The following MACROD2 variants were observed in gnomAD, a reference collection of about 807,000 sequenced individuals.
MACROD2 encodes the protein mono-ADP ribosylhydrolase 2, also known as ADP-ribose glycohydrolase MACROD2.
In MACROD2, 36 loss-of-function variants were observed where a neutral mutation model predicts 70.4. That is an observed-to-expected ratio of 0.51 (90% CI 0.39 to 0.68). MACROD2 has a LOEUF of 0.68. Among genes scored for constraint, MACROD2 ranks in the 30% least tolerant of loss-of-function variants. The pLI is 0.00. For missense variants in MACROD2, 496 were observed against 538.4 expected (o/e 0.92, Z 0.78); for synonymous variants, 172 against 178.8 (o/e 0.96, Z 0.30).
At chr20:16,035,419 A>G (rs1229063262) in intron 15 of MACROD2, among the ~76,000 whole-genome samples, 1 of 151,624 alleles carries the variant, frequency 6.6e-6, no homozygotes, top group Non-Finnish European at 1.5e-5. Context: ...TTAGCCTGTT[A>G]AGGGACTTCT....
intron 5 of MACROD2, among the ~76,000 whole-genome samples, chr20:14,820,768 T>A (rs367650717): frequency 6.6e-6 from 1 of 152,168 alleles, no homozygotes. Flanking sequence ...AGTGAATTGA[T>A]TCATAGGGAT....
chr20:15,048,796 C>T (rs1229314630), intron 5 of MACROD2, among the ~76,000 whole-genome samples: 1 of 152,196 alleles, frequency 6.6e-6, no homozygotes, highest in Middle Eastern at 3.4e-3. Flanking sequence ...CCTCAACATA[C>T]CCCCATCCAC....
chr20:14,336,750 A>G lies in MACROD2; in HGVS notation c.272-156729A>G, dbSNP rs143316295. On this transcript the variant is annotated intron_variant, in intron 3 of 17. Coordinates refer to ENST00000684519, the MANE Select transcript of MACROD2 (RefSeq NM_001351661.2). ...CCTAAGCAATGGATTTTGGTGTTCT[A>G]TTGAAGAGGGAATATGGTTTGGAAG... Among the ~76,000 whole-genome samples, 318 of 152,306 alleles carry G rather than the reference A, an allele frequency of 2.1e-3. 2 individuals are homozygous for G. Among genetic ancestry groups the G allele is most frequent in the Admixed American group, 8.1e-3 (123 of 15,276 alleles).
At chr20:15,014,028 A>G (rs1213836636) in intron 5 of MACROD2, among the ~76,000 whole-genome samples, 1 of 152,242 alleles carries the variant, frequency 6.6e-6, no homozygotes, top group Non-Finnish European at 1.5e-5. Context: ...TTCAGTGTGC[A>G]GTTCACTATT....
intron 6 of MACROD2, among the ~76,000 whole-genome samples, chr20:15,410,465 G>A (rs2046061796): frequency 6.6e-6 from 1 of 152,104 alleles, no homozygotes; most frequent in Non-Finnish European, 1.5e-5. Context: ...TCAGCAACCT[G>A]TTCCTCCTTT....
chr20:15,679,011 C>T (rs1568970156), intron 8 of MACROD2, among the ~76,000 whole-genome samples: 1 of 152,032 alleles, frequency 6.6e-6, no homozygotes, highest in Non-Finnish European at 1.5e-5. Flanking sequence ...CTGAGGCAGG[C>T]AGATCACCTG....
At chr20:15,178,250 G>A (rs919743469) in intron 5 of MACROD2, among the ~76,000 whole-genome samples, 7 of 152,076 alleles carry the variant, frequency 4.6e-5, no homozygotes, top group Admixed American at 1.3e-4. Flanking sequence ...ATTACTTTAT[G>A]GGGACTGTCT....
At chr20:14,088,233 G>A (rs185847626) in intron 3 of MACROD2, among the ~76,000 whole-genome samples, 2 of 151,476 alleles carry the variant, frequency 1.3e-5, no homozygotes, top group Admixed American at 1.3e-4. Context: ...GGGAGGCTGA[G>A]GCAGGAGAAT....
chr20:15,963,221 C>T (rs1020710267), intron 12 of MACROD2, among the ~76,000 whole-genome samples: 3 of 150,614 alleles, frequency 2.0e-5, no homozygotes, highest in Non-Finnish European at 3.0e-5. Flanking sequence ...CATGTGTAGA[C>T]ATTTACGCAT....
chr20:14,023,939 A>G (rs2053122660), intron 2 of MACROD2, among the ~76,000 whole-genome samples: 1 of 152,180 alleles, frequency 6.6e-6, no homozygotes, highest in African/African-American at 2.4e-5. Context: ...CTGTGAAGAA[A>G]GTCAGTGGTA....
chr20:14,967,464 G>A (rs558022113), intron 5 of MACROD2, among the ~76,000 whole-genome samples: 6 of 151,708 alleles, frequency 4.0e-5, no homozygotes, highest in Admixed American at 1.3e-4. Flanking sequence ...GTGCCTGGCC[G>A]GTAGTTTTGT....
At chr20:14,682,409 A>G (rs2070943485) in intron 4 of MACROD2, among the ~76,000 whole-genome samples, 1 of 151,452 alleles carries the variant, frequency 6.6e-6, no homozygotes, top group Admixed American at 6.6e-5. Flanking sequence ...GTACATATAT[A>G]TATGTGTGTG....
At chr20:15,136,160 C>A (rs987492869) in intron 5 of MACROD2, among the ~76,000 whole-genome samples, 22 of 150,006 alleles carry the variant, frequency 1.5e-4, no homozygotes, top group Admixed American at 1.4e-3. Flanking sequence ...AGATTCAATG[C>A]CATCCCCATC....
rs949998813 is a variant in MACROD2, at chr20:14,193,464, A to C, written c.271+107736A>C. Reference sequence around the variant, plus strand: ...AGTTCAGCTTAGATAGCTCAAAAGAAGAGACTTTAATGAAGGGACTACTTA... The same window carrying C: ...AGTTCAGCTTAGATAGCTCAAAAGACGAGACTTTAATGAAGGGACTACTTA... On this transcript the variant is annotated intron_variant, in intron 3 of 17. Transcript: ENST00000684519. Among the ~76,000 whole-genome samples the C allele has an allele frequency of 2.0e-5, 3 of 152,220 alleles. No homozygotes were observed. In the South Asian group the frequency reaches 6.2e-4, roughly 32 times the overall value.
intron 2 of MACROD2, among the ~76,000 whole-genome samples, chr20:14,082,327 T>C (rs1433754039): frequency 4.6e-5 from 7 of 150,564 alleles, no homozygotes; most frequent in Non-Finnish European, 1.0e-4. Flanking sequence ...TACAGGTGCG[T>C]GCCACCATGC....
intron 5 of MACROD2, among the ~76,000 whole-genome samples, chr20:15,077,863 A>T (rs781309692): frequency 3.1e-4 from 47 of 152,142 alleles, no homozygotes; most frequent in Non-Finnish European, 5.3e-4. Context: ...CAGCGGCAGC[A>T]GTTGCTGCAG....
chr20:15,215,252 TTGTGTGTGTGTGTGTGTGTGTGTGTG>T (rs376439581), intron 5 of MACROD2, among the ~76,000 whole-genome samples: 1 of 135,474 alleles, frequency 7.4e-6, no homozygotes, highest in Non-Finnish European at 1.6e-5. Flanking sequence ...CTCCTGTATT[TTGTGTGTGTGTGTGTGTGTGTGTGTG>T]TGTGTGTGTG....
intron 2 of MACROD2, among the ~76,000 whole-genome samples, chr20:14,025,912 T>A (rs960729325): frequency 6.6e-6 from 1 of 152,148 alleles, no homozygotes; most frequent in Non-Finnish European, 1.5e-5. Flanking sequence ...TAATTTTATG[T>A]GTTGTTGATC....
At chr20:15,168,441 A>T (rs867302446) in intron 5 of MACROD2, among the ~76,000 whole-genome samples, 1 of 134,660 alleles carries the variant, frequency 7.4e-6, no homozygotes, top group Non-Finnish European at 1.6e-5. Flanking sequence ...ACATTGTGGG[A>T]TGTGTGTGTG....
Sources: gnomAD v4.1 joint callset for allele counts (sites outside exome capture counted in the v4.1 genomes callset) on GRCh38, gnomAD v4.1.1 for gene constraint, MANE v1.5 for transcripts, NCBI Gene and HGNC (gene_info 2026-07-23, HGNC 2026-07-21) for gene names.